MASTL: variants seen among roughly 807,000 people sequenced by gnomAD.
MASTL encodes the protein microtubule associated serine/threonine kinase like.
Under a neutral mutation model 82.5 loss-of-function variants are expected in MASTL, and 54 were observed. The observed-to-expected ratio is 0.65, with a 90% CI of 0.53 to 0.82. The LOEUF (loss-of-function observed/expected upper bound fraction) is 0.82. Among genes scored for constraint, MASTL ranks in the 40% least tolerant of loss-of-function variants. The pLI, the probability that MASTL is intolerant of heterozygous loss-of-function variation, is 0.00. For synonymous variants in MASTL, 323 were observed against 368.9 expected, an observed-to-expected ratio of 0.88 and a Z score of 1.43; for missense variants, 950 against 1,047.8, an observed-to-expected ratio of 0.91 and a Z score of 1.29.
At chr10:27,158,458 G>T in intron 1 of MASTL, 91 bp from the exon 2 acceptor site, 1 of 1,042,688 alleles carries the variant, frequency 9.6e-7, no homozygotes, top group South Asian at 1.3e-5. Flanking sequence ...AATAAGCTTT[G>T]ATCATGCCAC....
chr10:27,180,693 T>C (rs1044912671), intron 9 of MASTL, among the ~76,000 whole-genome samples: 15 of 152,224 alleles, frequency 9.9e-5, no homozygotes, highest in African/African-American at 3.6e-4. Flanking sequence ...CGCCCAGCTC[T>C]ACCTTGCATT....
chr10:27,170,428 A>G lies in MASTL; in HGVS notation c.1469A>G (p.Asp490Gly), dbSNP rs2057891673. 1 of 1,614,066 alleles carries G rather than the reference A, an allele frequency of 6.2e-7. No individual in the cohort carries two copies. The highest frequency in any genetic ancestry group is 8.5e-7 in the Non-Finnish European group (1 of 1,180,012). Reference sequence around the variant, plus strand: ...ACAGGCTTAACAGTTGAAGTGCAGGACCTTAAGCTATCAGTGCACAAAAGT... The same window carrying G: ...ACAGGCTTAACAGTTGAAGTGCAGGGCCTTAAGCTATCAGTGCACAAAAGT... ...QNTGLTVEVQDLKLSVHKSQQ... is the reference protein window; with the variant it reads ...QNTGLTVEVQGLKLSVHKSQQ... The change falls in exon 8 of 12, where the codon GAC becomes GGC. Residue 490 changes from aspartate (D) to glycine (G), a missense_variant. By Grantham distance (94) the Asp-to-Gly change is moderately conservative. Coordinates refer to ENST00000375940, the MANE Select transcript of MASTL (RefSeq NM_001172303.3).
chr10:27,169,347 G>A (rs56163609), intron 7 of MASTL, among the ~76,000 whole-genome samples: 11,375 of 152,056 alleles, frequency 0.075, 480 homozygotes, highest in South Asian at 0.16. Context: ...TGGATCACCT[G>A]AGGTCAGGAA....
At position 27,171,096 on chromosome 10, in the gene MASTL, CTT is replaced by C. The variant is rs2057918193; in HGVS notation, c.2124+15_2124+16del. 1.2e-6 allele frequency: 2 copies of C among 1,610,050 alleles called. No individual in the cohort carries two copies. The highest frequency in any genetic ancestry group is 2.2e-5 in the South Asian group (2 of 90,988). On this transcript the variant is annotated intron_variant, in intron 8 of 11. Transcript: ENST00000375940. ...TATGCCACATCAGGTATATTTATAA[CTT>C]TCTAATACTGTTTTTTGGATTTTAG...
chr10:27,161,020 C>CT (rs2057553688), intron 3 of MASTL, 74 bp from the exon 4 acceptor site: 7 of 998,652 alleles, frequency 7.0e-6, no homozygotes, highest in East Asian at 2.4e-5. Flanking sequence ...CTTTGTAACT[C>CT]TTTTTTTCTG....
Position 27,187,509 on chromosome 10 carries a change from T to G in MASTL, c.*973T>G, listed in dbSNP as rs552576992. Reference sequence around the variant, plus strand: ...GCTCATGCCTGTAATCCCGGCACTTTGGGAGGCTGAGGCAGGCAAGTCGCT... The same window carrying G: ...GCTCATGCCTGTAATCCCGGCACTTGGGGAGGCTGAGGCAGGCAAGTCGCT... On this transcript the variant is annotated 3_prime_UTR_variant, in exon 12 of 12. Coordinates refer to ENST00000375940, the MANE Select transcript of MASTL (RefSeq NM_001172303.3). 1.3e-5 allele frequency among the ~76,000 whole-genome samples: 2 copies of G among 152,190 alleles called. No homozygotes were observed. The highest frequency in any genetic ancestry group is 4.2e-4 in the South Asian group (2 of 4,816).
chr10:27,162,977 C>T (rs1028035904), intron 4 of MASTL, among the ~76,000 whole-genome samples: 5 of 151,794 alleles, frequency 3.3e-5, no homozygotes, highest in Non-Finnish European at 5.9e-5. Context: ...AGTGCAATGG[C>T]GTGATCTCGG....
intron 4 of MASTL, 105 bp downstream of exon 4, chr10:27,161,287 C>T: frequency 1.5e-6 from 1 of 678,920 alleles, no homozygotes; most frequent in Non-Finnish European, 2.7e-6. Context: ...GCGGGCAGAT[C>T]ACCTGAGGTC....
intron 4 of MASTL, among the ~76,000 whole-genome samples, chr10:27,161,859 AG>A (rs2057584269): frequency 6.6e-6 from 1 of 152,238 alleles, no homozygotes; most frequent in Non-Finnish European, 1.5e-5. Context: ...AACATGATGA[AG>A]GGTTAATAAC....
intron 9 of MASTL, among the ~76,000 whole-genome samples, chr10:27,175,727 T>A (rs2058082692): frequency 6.6e-6 from 1 of 152,186 alleles, no homozygotes; most frequent in Non-Finnish European, 1.5e-5. Context: ...TAATCCTGAC[T>A]TTCTCTAGGC....
intron 1 of MASTL, among the ~76,000 whole-genome samples, chr10:27,156,290 C>T (rs772663011): frequency 9.9e-5 from 15 of 152,220 alleles, no homozygotes; most frequent in Non-Finnish European, 1.8e-4. Flanking sequence ...TCCCAAAGTG[C>T]TGGGATTACT....
intron 9 of MASTL, among the ~76,000 whole-genome samples, chr10:27,179,256 G>A (rs182086661): frequency 3.3e-5 from 5 of 152,082 alleles, no homozygotes; most frequent in East Asian, 1.9e-4. Flanking sequence ...TAAAATAATC[G>A]TTAAAAACAT....
chr10:27,169,514 G>T lies in MASTL; in HGVS notation c.985-430G>T, dbSNP rs184710795. On this transcript the variant is annotated intron_variant, in intron 7 of 11. Transcript: ENST00000375940. Reference sequence around the variant, plus strand: ...GAACCCAGGAGGCAGAGGCTGCAGTGAGCTGAGATCGCACCACTGCACTTC... The same window carrying T: ...GAACCCAGGAGGCAGAGGCTGCAGTTAGCTGAGATCGCACCACTGCACTTC... Among the ~76,000 whole-genome samples the T allele has an allele frequency of 1.6e-3, 235 of 151,116 alleles. 1 individual carries two copies. Among genetic ancestry groups the T allele is most frequent in the Middle Eastern group, 3.4e-3 (1 of 292 alleles).
chr10:27,166,978 GTAATTCTTAATACATATTA>G, intron 6 of MASTL, 105 bp from the exon 7 acceptor site: 2 of 117,648 alleles, frequency 1.7e-5, no homozygotes, highest in Non-Finnish European at 3.7e-5. Context: ...GTTCTGATAT[GTAATTCTTAATACATATTA>G]ATATGTAATT....
At chr10:27,173,540 C>T (rs2136101730) in intron 9 of MASTL, among the ~76,000 whole-genome samples, 1 of 151,832 alleles carries the variant, frequency 6.6e-6, no homozygotes, top group South Asian at 2.1e-4. Flanking sequence ...CACCTGCCAC[C>T]CTTGATATTA....
intron 2 of MASTL, 110 bp downstream of exon 2, chr10:27,158,796 G>A (rs2057475861): frequency 1.7e-6 from 2 of 1,205,442 alleles, no homozygotes; most frequent in Admixed American, 1.7e-5. Context: ...AATTCTGGCT[G>A]CACTCACTGC....
intron 1 of MASTL, among the ~76,000 whole-genome samples, chr10:27,156,500 G>A (rs2057385160): frequency 6.7e-6 from 1 of 150,146 alleles, no homozygotes; most frequent in Non-Finnish European, 1.5e-5. Flanking sequence ...TTTCTGAGAA[G>A]TCTTTAATAA....
In MASTL at chr10:27,170,828, C is replaced by T. The variant is rs779401948; in HGVS notation, c.1869C>T (p.Val623=). ...AAGAAAAGACCTCACCAAAAGGTGTCGAGAACCCTGCTGTACAAGAGAGTA... is the reference window on the plus strand; with the variant it reads ...AAGAAAAGACCTCACCAAAAGGTGTTGAGAACCCTGCTGTACAAGAGAGTA... ...DCQEKTSPKG[V]ENPAVQESNQ... Residue 623 remains valine (V), a synonymous_variant, in exon 8 of 12, where the codon GTC becomes GTT. Transcript: ENST00000375940. 28 of 1,614,006 alleles carry T rather than the reference C, an allele frequency of 1.7e-5. No homozygotes were observed. Among genetic ancestry groups the T allele is most frequent in the Middle Eastern group, 1.6e-4 (1 of 6,084 alleles).
At chr10:27,179,625 A>C (rs1211846653) in intron 9 of MASTL, among the ~76,000 whole-genome samples, 1 of 152,228 alleles carries the variant, frequency 6.6e-6, no homozygotes, top group African/African-American at 2.4e-5. Context: ...TTTTATTTAG[A>C]AATCAGTTTT....
Sources: gnomAD v4.1 joint callset for allele counts (sites outside exome capture counted in the v4.1 genomes callset) on GRCh38, gnomAD v4.1.1 for gene constraint, MANE v1.5 for transcripts, NCBI Gene and HGNC (gene_info 2026-07-23, HGNC 2026-07-21) for gene names.